The following MARCHF4 variants were observed in gnomAD, a reference collection of about 807,000 sequenced individuals.
MARCHF4 encodes the protein E3 ubiquitin-protein ligase MARCHF4.
A neutral mutation model predicts 43.9 loss-of-function variants in MARCHF4; 14 were observed. That is an observed-to-expected ratio of 0.32 (90% CI 0.21 to 0.50). The LOEUF is 0.50. Ranked by LOEUF, MARCHF4 falls within the 20% of genes least tolerant of loss-of-function variation. MARCHF4 has a pLI of 0.98. For synonymous variants in MARCHF4, 226 were observed against 213.3 expected (o/e 1.06, Z -0.52); for missense variants, 468 against 536.7 (o/e 0.87, Z 1.27).
chr2:216,314,029 G>A (rs1048679953), intron 1 of MARCHF4, among the ~76,000 whole-genome samples: 11 of 152,192 alleles, frequency 7.2e-5, no homozygotes, highest in African/African-American at 2.4e-4. Flanking sequence ...TAACTTCTCA[G>A]TGCCAGGTGA....
chr2:216,298,256 G>GTTTTTT (rs559410456), intron 1 of MARCHF4, among the ~76,000 whole-genome samples: 2 of 66,764 alleles, frequency 3.0e-5, no homozygotes, highest in East Asian at 6.3e-4. Flanking sequence ...AGTCTTTTAG[G>GTTTTTT]TTTTTTTTTT....
chr2:216,274,445 A>G (rs1690990173), intron 3 of MARCHF4, among the ~76,000 whole-genome samples: 1 of 152,168 alleles, frequency 6.6e-6, no homozygotes. Context: ...CCCTCCAGAG[A>G]GCCCTTAAAA....
intron 1 of MARCHF4, among the ~76,000 whole-genome samples, chr2:216,346,059 C>G (rs1692315068): frequency 6.6e-6 from 1 of 152,170 alleles, no homozygotes; most frequent in Non-Finnish European, 1.5e-5. Context: ...AGTGTTGTCT[C>G]TCGGGCTTAA....
chr2:216,261,352 T>C (rs1690740847), intron 3 of MARCHF4, among the ~76,000 whole-genome samples: 1 of 152,188 alleles, frequency 6.6e-6, no homozygotes, highest in Non-Finnish European at 1.5e-5. Context: ...CACTCCAGCC[T>C]CTTTCTTCTG....
At chr2:216,299,766 T>G (rs181689160) in intron 1 of MARCHF4, among the ~76,000 whole-genome samples, 5 of 152,346 alleles carry the variant, frequency 3.3e-5, no homozygotes, top group Middle Eastern at 3.4e-3. Context: ...TTCACAAGCC[T>G]AAAAGTTGGC....
intron 3 of MARCHF4, among the ~76,000 whole-genome samples, chr2:216,274,479 G>A (rs571706398): frequency 3.3e-4 from 50 of 152,284 alleles, no homozygotes; most frequent in Non-Finnish European, 4.9e-4. Flanking sequence ...GCACCAAATT[G>A]TGCAGTGTGA....
intron 1 of MARCHF4, among the ~76,000 whole-genome samples, chr2:216,315,634 C>T (rs1691761365): frequency 6.6e-6 from 1 of 152,132 alleles, no homozygotes; most frequent in South Asian, 2.1e-4. Flanking sequence ...AAAAGTGCAG[C>T]TTACAAAACA....
At chr2:216,322,382 T>A (rs1235176282) in intron 1 of MARCHF4, among the ~76,000 whole-genome samples, 1 of 152,224 alleles carries the variant, frequency 6.6e-6, no homozygotes, top group Non-Finnish European at 1.5e-5. Flanking sequence ...AATTCTGGTT[T>A]ATAGCAAATG....
intron 1 of MARCHF4, among the ~76,000 whole-genome samples, chr2:216,355,594 G>T (rs1692490327): frequency 6.6e-6 from 1 of 152,146 alleles, no homozygotes; most frequent in South Asian, 2.1e-4. Context: ...TTTGGTTGGG[G>T]GTGGAAAGTC....
chr2:216,284,230 A>T (rs78711932), intron 1 of MARCHF4, among the ~76,000 whole-genome samples: 261 of 151,176 alleles, frequency 1.7e-3, no homozygotes, highest in Middle Eastern at 3.5e-3. Context: ...GGGATCTAGG[A>T]GGTTGGACAA....
At chr2:216,358,434 G>A (rs1692532486) in intron 1 of MARCHF4, among the ~76,000 whole-genome samples, 1 of 152,120 alleles carries the variant, frequency 6.6e-6, no homozygotes, top group Non-Finnish European at 1.5e-5. Context: ...CATTCTTCTA[G>A]GGAGGCATCT....
rs1690703783 is a variant in MARCHF4, at chr2:216,259,442, G to A, written c.1103C>T (p.Pro368Leu). 2 of 1,614,026 alleles carry A rather than the reference G, an allele frequency of 1.2e-6. No individual in the cohort carries two copies. Among genetic ancestry groups the A allele is most frequent in the Non-Finnish European group, 8.5e-7 (1 of 1,180,010 alleles). ...GTGGTGATGGGACAGAGGGCCTGAG[G>A]GGTGGCCGGCAGCCTGGGCAGGGCC... ...EQGPAQAAGHPSGPLSHHHCA... is the reference protein window; with the variant it reads ...EQGPAQAAGHLSGPLSHHHCA... The change falls in exon 4 of 4, where the codon CCC becomes CTC. Residue 368 changes from proline to leucine, a missense_variant. Physicochemically the swap from Pro to Leu is moderately conservative, Grantham distance 98. Around this residue, in one of 3 missense-constraint regions of MARCHF4, gnomAD observed 120 missense variants for 127.1 expected, o/e 0.94. Coordinates refer to ENST00000273067, the MANE Select transcript of MARCHF4 (RefSeq NM_020814.3).
chr2:216,315,018 TG>T (rs1371390135), intron 1 of MARCHF4, among the ~76,000 whole-genome samples: 1 of 152,192 alleles, frequency 6.6e-6, no homozygotes, highest in African/African-American at 2.4e-5. Flanking sequence ...AATGGTAAAC[TG>T]GTAAAAATCA....
intron 3 of MARCHF4, among the ~76,000 whole-genome samples, chr2:216,269,570 T>A (rs1465067766): frequency 6.6e-6 from 1 of 152,178 alleles, no homozygotes; most frequent in East Asian, 1.9e-4. Flanking sequence ...GCATTCTGAT[T>A]ATAACAGTTT....
intron 1 of MARCHF4, among the ~76,000 whole-genome samples, chr2:216,317,436 C>A (rs1160344166): frequency 6.6e-6 from 1 of 151,578 alleles, no homozygotes; most frequent in Non-Finnish European, 1.5e-5. Context: ...TTTTTAGAAA[C>A]AGGGTCTCAC....
chr2:216,271,377 G>T (rs894204886), intron 3 of MARCHF4, among the ~76,000 whole-genome samples: 12 of 152,180 alleles, frequency 7.9e-5, no homozygotes, highest in Admixed American at 3.9e-4. Flanking sequence ...CTCAAGGATA[G>T]GGTTTCTTCC....
At chr2:216,327,110 C>T (rs1692006249) in intron 1 of MARCHF4, among the ~76,000 whole-genome samples, 2 of 151,982 alleles carry the variant, frequency 1.3e-5, no homozygotes, top group South Asian at 4.1e-4. Flanking sequence ...TGAGACTTTA[C>T]TCCCTGCCTC....
intron 3 of MARCHF4, among the ~76,000 whole-genome samples, chr2:216,263,115 G>T (rs186290540): frequency 6.6e-6 from 1 of 152,250 alleles, no homozygotes; most frequent in African/African-American, 2.4e-5. Flanking sequence ...ATCCAGAAGG[G>T]AAAATGGGTG....
intron 1 of MARCHF4, among the ~76,000 whole-genome samples, chr2:216,314,514 G>T (rs1028422707): frequency 1.3e-5 from 2 of 151,990 alleles, no homozygotes; most frequent in Non-Finnish European, 2.9e-5. Context: ...GTAGAGATGG[G>T]TTTTCACCAT....
Sources: allele counts gnomAD v4.1 joint callset (sites outside exome capture counted in the v4.1 genomes callset), GRCh38; gene constraint gnomAD v4.1.1; regional missense constraint gnomAD v4.1.1; transcripts MANE v1.5; gene names NCBI Gene and HGNC (gene_info 2026-07-23, HGNC 2026-07-21).